CREB5: variants seen among roughly 807,000 people sequenced by gnomAD.
CREB5 encodes the protein cAMP responsive element binding protein 5, also known as cyclic AMP-responsive element-binding protein 5.
CREB5 carries 19 observed loss-of-function variants against 57.1 expected under a neutral mutation model. The observed-to-expected ratio is 0.33, with a 90% CI of 0.23 to 0.49. CREB5 has a LOEUF of 0.49. CREB5 is among the 20% of genes least tolerant of loss of function. The pLI is 0.99. For synonymous variants in CREB5, 238 were observed against 238.3 expected, an observed-to-expected ratio of 1.00 and a Z score of 0.01; for missense variants, 579 against 671.6, an observed-to-expected ratio of 0.86 and a Z score of 1.52.
chr7:28,389,448 T>C (rs538466009), intron 1 of CREB5, among the ~76,000 whole-genome samples: 9 of 152,136 alleles, frequency 5.9e-5, no homozygotes, highest in Non-Finnish European at 8.8e-5. Context: ...TTTTGCTTTG[T>C]TCCAAATTCC....
chr7:28,775,961 AGTATGTAACTGCCCC>A (rs1413566167), intron 7 of CREB5, among the ~76,000 whole-genome samples: 1 of 152,194 alleles, frequency 6.6e-6, no homozygotes, highest in African/African-American at 2.4e-5. Flanking sequence ...GGAAACTGAC[AGTATGTAACTGCCCC>A]GTGTGCACAG....
intron 5 of CREB5, among the ~76,000 whole-genome samples, chr7:28,712,935 T>A (rs1802477491): frequency 6.6e-6 from 1 of 152,178 alleles, no homozygotes; most frequent in Non-Finnish European, 1.5e-5. Flanking sequence ...TGTATTCCTC[T>A]CTTTAGCATT....
chr7:28,412,941 T>G, intron 1 of CREB5, 24 bp downstream of exon 1: 1 of 1,415,596 alleles, frequency 7.1e-7, no homozygotes, highest in African/African-American at 1.4e-5. Flanking sequence ...TTATTATGCA[T>G]ATTAAACAGA....
At chr7:28,799,809 G>C (rs574175972) in intron 7 of CREB5, among the ~76,000 whole-genome samples, 72 of 152,222 alleles carry the variant, frequency 4.7e-4, no homozygotes, top group African/African-American at 1.6e-3. Flanking sequence ...TGTTTTGACT[G>C]TACTTTTACA....
At chr7:28,314,953 C>T (rs1357701656) in intron 1 of CREB5, among the ~76,000 whole-genome samples, 1 of 152,186 alleles carries the variant, frequency 6.6e-6, no homozygotes, top group Non-Finnish European at 1.5e-5. Context: ...TTTTTCTAAC[C>T]ATATTCCAGT....
chr7:28,572,925 A>G (rs1466171669), intron 5 of CREB5, among the ~76,000 whole-genome samples: 1 of 152,054 alleles, frequency 6.6e-6, no homozygotes, highest in East Asian at 1.9e-4. Context: ...GATAATTGTC[A>G]CTTTTAGGAC....
chr7:28,462,156 G>A (rs886514648), intron 1 of CREB5, among the ~76,000 whole-genome samples: 7 of 152,142 alleles, frequency 4.6e-5, no homozygotes, highest in Admixed American at 3.9e-4. Context: ...TTATATAAAT[G>A]GAATCACACA....
At chr7:28,522,021 A>G (rs1469957180) in intron 4 of CREB5, among the ~76,000 whole-genome samples, 1 of 152,216 alleles carries the variant, frequency 6.6e-6, no homozygotes, top group Non-Finnish European at 1.5e-5. Flanking sequence ...TTGGGCTCCT[A>G]CTATTTGTCA....
At chr7:28,553,881 C>A (rs1223029926) in intron 4 of CREB5, among the ~76,000 whole-genome samples, 4 of 152,170 alleles carry the variant, frequency 2.6e-5, no homozygotes, top group Admixed American at 6.5e-5. Flanking sequence ...GTCAGAGATT[C>A]TTTGGCTGAT....
In CREB5 at chr7:28,517,968, T is replaced by G. The variant is rs550893673; in HGVS notation, c.291+10231T>G. On this transcript the variant is annotated intron_variant, in intron 4 of 10. Coordinates refer to ENST00000357727, the MANE Select transcript of CREB5 (RefSeq NM_182898.4). ...GAGACCGGTGTGTATGATGACATTT[T>G]GTAAGACAACATTCGAGCTATTATT... Among the ~76,000 whole-genome samples, 7 of 152,304 alleles carry G rather than the reference T, an allele frequency of 4.6e-5. No homozygotes were observed. The South Asian group carries it at 1.5e-3, about 32-fold the overall frequency.
chr7:28,742,171 A>G (rs1033474743), intron 7 of CREB5, among the ~76,000 whole-genome samples: 2 of 152,116 alleles, frequency 1.3e-5, no homozygotes, highest in African/African-American at 2.4e-5. Flanking sequence ...CATTGAAACC[A>G]GAGATGGGAG....
At chr7:28,358,021 G>T (rs1458581983) in intron 1 of CREB5, among the ~76,000 whole-genome samples, 1 of 152,098 alleles carries the variant, frequency 6.6e-6, no homozygotes, top group East Asian at 1.9e-4. Context: ...CGAGTTTTGG[G>T]GGTTCTACAG....
chr7:28,350,150 C>T (rs1294538300), intron 1 of CREB5, among the ~76,000 whole-genome samples: 2 of 152,310 alleles, frequency 1.3e-5, no homozygotes, highest in South Asian at 2.1e-4. Context: ...GAAAGGTTAA[C>T]ACAAGGAGTA....
chr7:28,570,679 A>G, intron 5 of CREB5, 142 bp downstream of exon 5: 1 of 973,042 alleles, frequency 1.0e-6, no homozygotes, highest in Non-Finnish European at 1.5e-6. Context: ...GATGCTTTTG[A>G]TGGGAGAAGG....
chr7:28,716,168 A>T (rs181269682), intron 5 of CREB5, among the ~76,000 whole-genome samples: 49 of 152,230 alleles, frequency 3.2e-4, no homozygotes, highest in African/African-American at 1.1e-3. Flanking sequence ...TTTAGTAGGC[A>T]ATCTCCTGAA....
At chr7:28,391,111 T>C (rs919472739) in intron 1 of CREB5, among the ~76,000 whole-genome samples, 2 of 152,224 alleles carry the variant, frequency 1.3e-5, no homozygotes, top group African/African-American at 4.8e-5. Flanking sequence ...CGTTTCTTAG[T>C]TTAAAATTAT....
intron 1 of CREB5, among the ~76,000 whole-genome samples, chr7:28,398,033 G>A (rs1787374112): frequency 6.6e-6 from 1 of 152,052 alleles, no homozygotes; most frequent in South Asian, 2.1e-4. Flanking sequence ...AACCATTGCT[G>A]TTATCTAATT....
At chr7:28,561,964 T>C (rs1006744023) in intron 4 of CREB5, among the ~76,000 whole-genome samples, 7 of 152,232 alleles carry the variant, frequency 4.6e-5, no homozygotes, top group Non-Finnish European at 2.9e-5. Flanking sequence ...CAGGCTGGTC[T>C]TGAAGTCCTA....
intron 1 of CREB5, among the ~76,000 whole-genome samples, chr7:28,441,754 C>T (rs1198931969): frequency 6.6e-6 from 1 of 152,140 alleles, no homozygotes; most frequent in African/African-American, 2.4e-5. Context: ...GTCATTTGCT[C>T]AAAGTCTTAT....
Sources: allele counts gnomAD v4.1 joint callset (sites outside exome capture counted in the v4.1 genomes callset), GRCh38; gene constraint gnomAD v4.1.1; transcripts MANE v1.5; gene names NCBI Gene and HGNC (gene_info 2026-07-23, HGNC 2026-07-21).